CFAP299: variants seen among roughly 807,000 people sequenced by gnomAD.
CFAP299 encodes cilia- and flagella-associated protein 299.
In CFAP299, 21 loss-of-function variants were observed where a neutral mutation model predicts 27.0. The observed-to-expected ratio is 0.78, with a 90% CI of 0.55 to 1.12. CFAP299 has a LOEUF of 1.12. CFAP299 is among the 50% of genes most tolerant of loss of function. The probability of loss-of-function intolerance (pLI) is 0.00; values close to 1 mark genes in which losing one functional copy is unlikely to be tolerated. For missense variants in CFAP299, 310 were observed against 276.6 expected (o/e 1.12, Z -0.86); for synonymous variants, 104 against 98.1 (o/e 1.06, Z -0.36).
chr4:80,686,484 C>T (rs1454560802), intron 3 of CFAP299, among the ~76,000 whole-genome samples: 2 of 152,164 alleles, frequency 1.3e-5, no homozygotes, highest in Non-Finnish European at 2.9e-5. Flanking sequence ...TTCTTCAAAA[C>T]ATCAGGAGAA....
At chr4:80,462,850 C>A (rs1172940891) in intron 2 of CFAP299, among the ~76,000 whole-genome samples, 1 of 151,904 alleles carries the variant, frequency 6.6e-6, no homozygotes, top group Admixed American at 6.6e-5. Flanking sequence ...ATGACAAAGT[C>A]CTAATAACAG....
chr4:80,929,401 T>TA (rs1160642480), intron 4 of CFAP299, among the ~76,000 whole-genome samples: 7 of 152,036 alleles, frequency 4.6e-5, no homozygotes, highest in African/African-American at 1.7e-4. Flanking sequence ...CCAGTCTCTG[T>TA]GGCACCACTA....
chr4:80,653,126 C>T (rs116579403), intron 3 of CFAP299, among the ~76,000 whole-genome samples: 1,856 of 152,216 alleles, frequency 0.012, 17 homozygotes, highest in Non-Finnish European at 0.019. Flanking sequence ...CCTCTGTATT[C>T]AGCTATATGC....
intron 2 of CFAP299, among the ~76,000 whole-genome samples, chr4:80,379,766 C>A (rs145599075): frequency 1.5e-3 from 227 of 151,960 alleles, no homozygotes; most frequent in African/African-American, 5.0e-3. Flanking sequence ...ATTTTATATT[C>A]TTTATGATTT....
At chr4:80,795,465 C>T (rs1727801614) in intron 3 of CFAP299, among the ~76,000 whole-genome samples, 1 of 152,092 alleles carries the variant, frequency 6.6e-6, no homozygotes, top group South Asian at 2.1e-4. Flanking sequence ...GTGGTGCCTG[C>T]ATATTGTGCA....
intron 4 of CFAP299, among the ~76,000 whole-genome samples, chr4:80,898,489 T>C (rs1734724721): frequency 6.6e-6 from 1 of 152,034 alleles, no homozygotes; most frequent in East Asian, 1.9e-4. Flanking sequence ...TGGGATGGGC[T>C]ATGGGTGGTT....
At chr4:80,917,112 T>A (rs1174284478) in intron 4 of CFAP299, among the ~76,000 whole-genome samples, 1 of 152,072 alleles carries the variant, frequency 6.6e-6, no homozygotes, top group Non-Finnish European at 1.5e-5. Context: ...TGCTCCAAAA[T>A]TTCTAACAGG....
At chr4:80,724,195 A>G (rs1377487443) in intron 3 of CFAP299, among the ~76,000 whole-genome samples, 1 of 152,118 alleles carries the variant, frequency 6.6e-6, no homozygotes, top group Admixed American at 6.5e-5. Context: ...TCTGGATTTA[A>G]TAATAAATTT....
At chr4:80,465,396 G>T (rs1194054572) in intron 2 of CFAP299, among the ~76,000 whole-genome samples, 1 of 152,152 alleles carries the variant, frequency 6.6e-6, no homozygotes. Flanking sequence ...GAATGCCAGA[G>T]AAAAGAAGGG....
chr4:80,536,334 T>C (rs554657696), intron 2 of CFAP299, among the ~76,000 whole-genome samples: 1 of 152,312 alleles, frequency 6.6e-6, no homozygotes, highest in African/African-American at 2.4e-5. Context: ...TTAATAAATC[T>C]GTGATTTGTC....
chr4:80,961,733 A>T (rs1415354199), intron 5 of CFAP299, among the ~76,000 whole-genome samples: 2 of 151,940 alleles, frequency 1.3e-5, no homozygotes, highest in Admixed American at 6.6e-5. Flanking sequence ...TCACCAGTTC[A>T]TATATCAAAG....
chr4:80,688,181 A>G (rs1003939578), intron 3 of CFAP299, among the ~76,000 whole-genome samples: 1 of 152,186 alleles, frequency 6.6e-6, no homozygotes, highest in African/African-American at 2.4e-5. Flanking sequence ...ACAGAGTGGA[A>G]CCCACCACAG....
intron 3 of CFAP299, among the ~76,000 whole-genome samples, chr4:80,657,709 G>T (rs1416386698): frequency 6.6e-6 from 1 of 152,000 alleles, no homozygotes; most frequent in Non-Finnish European, 1.5e-5. Flanking sequence ...TTTGCTAGAT[G>T]GGCTCTTTTT....
intron 3 of CFAP299, among the ~76,000 whole-genome samples, chr4:80,825,922 A>G (rs1729962512): frequency 6.6e-6 from 1 of 151,962 alleles, no homozygotes; most frequent in Non-Finnish European, 1.5e-5. Flanking sequence ...TGTTTTAAAA[A>G]TAATTATTAG....
At chr4:80,651,245 TC>T in intron 3 of CFAP299, among the ~76,000 whole-genome samples, 1 of 150,392 alleles carries the variant, frequency 6.6e-6, no homozygotes, top group South Asian at 2.1e-4. Context: ...GAATCTTCCT[TC>T]CTTCCTTCCT....
chr4:80,694,202 T>G (rs1578029422), intron 3 of CFAP299, among the ~76,000 whole-genome samples: 1 of 152,308 alleles, frequency 6.6e-6, no homozygotes, highest in East Asian at 1.9e-4. Flanking sequence ...AAGCTTTGTA[T>G]TTTTTCACCT....
intron 3 of CFAP299, among the ~76,000 whole-genome samples, chr4:80,745,001 A>G (rs1380326570): frequency 6.6e-6 from 1 of 152,164 alleles, no homozygotes; most frequent in Non-Finnish European, 1.5e-5. Flanking sequence ...AATCTCAAAA[A>G]AAAATTTCTA....
At chr4:80,417,005 C>A (rs1300627606) in intron 2 of CFAP299, among the ~76,000 whole-genome samples, 1 of 152,220 alleles carries the variant, frequency 6.6e-6, no homozygotes, top group Non-Finnish European at 1.5e-5. Context: ...GGCAGAGCAG[C>A]AGCCTGAGCT....
At chr4:80,717,460 T>A (rs556876701) in intron 3 of CFAP299, among the ~76,000 whole-genome samples, 3 of 152,278 alleles carry the variant, frequency 2.0e-5, no homozygotes, top group African/African-American at 7.2e-5. Context: ...TTACTGGAAA[T>A]AAATTCAGGT....
Sources: allele counts gnomAD v4.1 joint callset (sites outside exome capture counted in the v4.1 genomes callset), GRCh38; gene constraint gnomAD v4.1.1; transcripts MANE v1.5; gene names NCBI Gene and HGNC (gene_info 2026-07-23, HGNC 2026-07-21).